Variants in OXCT1 observed in about 807,000 individuals in gnomAD.
OXCT1 encodes the protein succinyl-CoA:3-ketoacid coenzyme A transferase 1, mitochondrial.
A neutral mutation model predicts 69.6 loss-of-function variants in OXCT1; 27 were observed. That is an observed-to-expected ratio of 0.39 (90% confidence interval 0.29 to 0.54). OXCT1 has a LOEUF of 0.54. Among genes scored for constraint, OXCT1 ranks in the 20% least tolerant of loss-of-function variants. The pLI is 0.72. For synonymous variants in OXCT1, 202 were observed against 217.8 expected, an observed-to-expected ratio of 0.93 and a Z score of 0.64; for missense variants, 437 against 650.2, an observed-to-expected ratio of 0.67 and a Z score of 3.57.
chr5:41,778,193 G>C (rs1262075076), intron 13 of OXCT1, among the ~76,000 whole-genome samples: 1 of 151,924 alleles, frequency 6.6e-6, no homozygotes, highest in Non-Finnish European at 1.5e-5. Context: ...AGCTAAATTT[G>C]GATAATGTAA....
At chr5:41,833,470 TTCA>T (rs1482579575) in intron 7 of OXCT1, among the ~76,000 whole-genome samples, 1 of 151,438 alleles carries the variant, frequency 6.6e-6, no homozygotes, top group Non-Finnish European at 1.5e-5. Context: ...TCAGAGGGAT[TTCA>T]TCAACACCAG....
chr5:41,829,151 C>T (rs994237793), intron 7 of OXCT1, among the ~76,000 whole-genome samples: 2 of 151,958 alleles, frequency 1.3e-5, no homozygotes, highest in South Asian at 2.1e-4. Flanking sequence ...CTATTTTTCA[C>T]GAGGCAAAAA....
At chr5:41,861,471 G>T in intron 2 of OXCT1, 67 bp from the exon 3 acceptor site, 1 of 939,974 alleles carries the variant, frequency 1.1e-6, no homozygotes. Flanking sequence ...AGAAGTGTGT[G>T]TTATTCTTTT....
Position 41,794,733 on chromosome 5 carries a change from A to G in OXCT1, c.1116T>C (p.Thr372=), listed in dbSNP as rs769633008. 109 of 1,613,628 alleles carry G rather than the reference A, an allele frequency of 6.8e-5. No individual in the cohort carries two copies. Among genetic ancestry groups the G allele is most frequent in the Non-Finnish European group, 8.6e-5 (101 of 1,180,006 alleles). ...DLINAGKETV[T]ILPGASFFSS... is the part of the protein sequence containing the mutation. ...AGAAAAAAGAGGCTCCTGGAAGAAT[A>G]GTAACTGTTTCCTTGCCTAAACACA... Residue 372 remains threonine (T), a synonymous_variant, in exon 12 of 17, where the codon ACT becomes ACC. Transcript: ENST00000196371.
At chr5:41,860,185 C>T (rs1447599515) in intron 3 of OXCT1, among the ~76,000 whole-genome samples, 3 of 151,922 alleles carry the variant, frequency 2.0e-5, no homozygotes, top group African/African-American at 7.3e-5. Context: ...GTCAGTTAAA[C>T]AAGGGACAGA....
chr5:41,839,941 G>A (rs1344051543), intron 7 of OXCT1, among the ~76,000 whole-genome samples: 1 of 152,174 alleles, frequency 6.6e-6, no homozygotes, highest in Non-Finnish European at 1.5e-5. Context: ...CCTTAAGCCT[G>A]GAAAGGCTGC....
Position 41,731,428 on chromosome 5 carries a change from G to A in OXCT1, c.*301C>T, listed in dbSNP as rs909032571. On this transcript the variant is annotated 3_prime_UTR_variant, in exon 17 of 17. Transcript: ENST00000196371. ...ATTTCTAGGGCCCTTCTTGGGGAAA[G>A]GTTCATATAATTTAGCATACATACC... 5 of 1,054,118 alleles carry A rather than the reference G, an allele frequency of 4.7e-6. No individual in the cohort carries two copies. In the African/African-American group the frequency reaches 8.3e-5, roughly 17 times the overall value. The allele number at this position is 1,054,118 out of a possible 1,614,324, so 65.3% of individuals were successfully genotyped here.
intron 5 of OXCT1, among the ~76,000 whole-genome samples, chr5:41,847,221 C>G (rs1175711687): frequency 3.9e-5 from 6 of 151,974 alleles, no homozygotes; most frequent in Non-Finnish European, 8.8e-5. Flanking sequence ...TCTCCCAAGA[C>G]TAAACCAGGA....
chr5:41,775,605 G>A (rs1161769704), intron 13 of OXCT1, among the ~76,000 whole-genome samples: 1 of 152,078 alleles, frequency 6.6e-6, no homozygotes, highest in East Asian at 1.9e-4. Context: ...ATTGGCCATT[G>A]GTGACTGAAC....
chr5:41,733,645 C>T (rs1348958633), intron 16 of OXCT1, among the ~76,000 whole-genome samples: 1 of 152,216 alleles, frequency 6.6e-6, no homozygotes, highest in Non-Finnish European at 1.5e-5. Flanking sequence ...TTTAACTAAA[C>T]ATCTGATCCT....
chr5:41,787,971 A>C (rs1347108792), intron 13 of OXCT1, among the ~76,000 whole-genome samples: 1 of 152,182 alleles, frequency 6.6e-6, no homozygotes, highest in Non-Finnish European at 1.5e-5. Flanking sequence ...AGTGCAACAA[A>C]CAGAAAATAT....
At chr5:41,760,054 C>T (rs878878598) in intron 14 of OXCT1, among the ~76,000 whole-genome samples, 1 of 152,080 alleles carries the variant, frequency 6.6e-6, no homozygotes, top group African/African-American at 2.4e-5. Flanking sequence ...ACTCTCTTCC[C>T]TACCTCTTTT....
At chr5:41,750,929 A>G (rs138896029) in intron 14 of OXCT1, among the ~76,000 whole-genome samples, 57 of 152,282 alleles carry the variant, frequency 3.7e-4, no homozygotes, top group African/African-American at 1.3e-3. Context: ...TAAAAAAACT[A>G]TTACTTTAGT....
In OXCT1 at chr5:41,857,627, C is replaced by T. The variant is rs548155771; in HGVS notation, c.278+3687G>A. 5.9e-5 allele frequency among the ~76,000 whole-genome samples: 9 copies of T among 152,280 alleles called. No homozygotes were observed. In the South Asian group the frequency reaches 1.5e-3, roughly 25 times the overall value. On this transcript the variant is annotated intron_variant, in intron 3 of 16. Coordinates refer to ENST00000196371, the MANE Select transcript of OXCT1 (RefSeq NM_000436.4). The stretch of plus-strand genomic sequence containing the variant: ...AGAAGTTACAGCCTATTGGATAACC[C>T]CCTCCATAAAGCTTTCTTCCAGGTC...
chr5:41,766,115 T>C (rs1045319419), intron 13 of OXCT1, among the ~76,000 whole-genome samples: 4 of 152,248 alleles, frequency 2.6e-5, no homozygotes, highest in Middle Eastern at 6.8e-3. Context: ...TCTTAAAGGA[T>C]GCAACTCTAG....
intron 13 of OXCT1, among the ~76,000 whole-genome samples, chr5:41,786,210 G>T (rs191521554): frequency 6.6e-6 from 1 of 152,200 alleles, no homozygotes; most frequent in Admixed American, 6.5e-5. Context: ...AACCAAGAAG[G>T]GGGTCTCTAA....
chr5:41,803,114 T>G lies in OXCT1; in HGVS notation c.1005A>C (p.Pro335=). The change falls in exon 10 of 17, where the codon CCA becomes CCC. Residue 335 remains proline, a synonymous_variant. Coordinates refer to ENST00000196371, the MANE Select transcript of OXCT1 (RefSeq NM_000436.4). ...CACTTTGAAGATGAACAGTTATATTTGGGCTGATAAAATTGCTGGCCAGGA... is the reference window on the plus strand; with the variant it reads ...CACTTTGAAGATGAACAGTTATATTGGGGCTGATAAAATTGCTGGCCAGGA... ...IPLLASNFIS[P]NITVHLQSEN... 1 of 1,612,458 alleles carries G rather than the reference T, an allele frequency of 6.2e-7. No homozygotes were observed. The highest frequency in any genetic ancestry group is 8.5e-7 in the Non-Finnish European group (1 of 1,178,820).
intron 14 of OXCT1, among the ~76,000 whole-genome samples, chr5:41,752,149 T>C (rs1389168384): frequency 1.3e-5 from 2 of 152,100 alleles, no homozygotes; most frequent in African/African-American, 4.8e-5. Flanking sequence ...CAGTATGGTG[T>C]GGGAGCAAAG....
At chr5:41,742,041 GGATTAAGTTATTAA>G (rs1743194872) in intron 15 of OXCT1, among the ~76,000 whole-genome samples, 1 of 152,052 alleles carries the variant, frequency 6.6e-6, no homozygotes, top group Admixed American at 6.6e-5. Flanking sequence ...AAGAGCATCT[GGATTAAGTTATTAA>G]GAACAGGCAT....
Sources: allele counts gnomAD v4.1 joint callset (sites outside exome capture counted in the v4.1 genomes callset), GRCh38; gene constraint gnomAD v4.1.1; transcripts MANE v1.5; gene names NCBI Gene and HGNC (gene_info 2026-07-23, HGNC 2026-07-21).